The following KATNIP variants were observed in gnomAD, a reference collection of about 807,000 sequenced individuals.
KATNIP encodes katanin interacting protein, also known as katanin-interacting protein.
Under a neutral mutation model 174.0 loss-of-function variants are expected in KATNIP, and 126 were observed. That is an observed-to-expected ratio of 0.72 (90% CI 0.63 to 0.84). The LOEUF (loss-of-function observed/expected upper bound fraction) is 0.84, where lower values mean the gene tolerates loss of function less well. KATNIP is among the 40% of genes least tolerant of loss of function. KATNIP has a pLI of 0.00. For missense variants in KATNIP, 1,958 were observed against 2,109.7 expected (o/e 0.93, Z 1.41); for synonymous variants, 810 against 835.7 (o/e 0.97, Z 0.53).
intron 14 of KATNIP, among the ~76,000 whole-genome samples, chr16:27,724,209 A>G (rs867022968): frequency 6.6e-6 from 1 of 152,088 alleles, no homozygotes; most frequent in Non-Finnish European, 1.5e-5. Flanking sequence ...GCCATGGCAC[A>G]CTAAGAGCTT....
chr16:27,621,777 G>A (rs1025575977), intron 3 of KATNIP, among the ~76,000 whole-genome samples: 4 of 150,958 alleles, frequency 2.6e-5, no homozygotes. Context: ...GAGCAGGAGA[G>A]AGAGGGTGGG....
At chr16:27,625,477 T>C (rs925614593) in intron 3 of KATNIP, among the ~76,000 whole-genome samples, 39 of 152,218 alleles carry the variant, frequency 2.6e-4, no homozygotes, top group Non-Finnish European at 1.5e-4. Context: ...ACATTGTCCC[T>C]TGATTGTTTG....
intron 15 of KATNIP, among the ~76,000 whole-genome samples, chr16:27,745,413 A>T (rs529502822): frequency 4.6e-5 from 7 of 152,364 alleles, no homozygotes; most frequent in Non-Finnish European, 8.8e-5. Context: ...ATATGAGCAG[A>T]AATGTGAGGA....
chr16:27,640,509 G>T (rs544058607), intron 5 of KATNIP, among the ~76,000 whole-genome samples: 2 of 152,104 alleles, frequency 1.3e-5, no homozygotes, highest in South Asian at 2.1e-4. Flanking sequence ...GGGGCTGGGG[G>T]CGGGAGAGCA....
intron 14 of KATNIP, among the ~76,000 whole-genome samples, chr16:27,725,202 A>C (rs909106420): frequency 6.6e-6 from 1 of 152,230 alleles, no homozygotes; most frequent in South Asian, 2.1e-4. Flanking sequence ...TATTCAATGC[A>C]TGAATGAATA....
chr16:27,754,076 G>A lies in KATNIP; in HGVS notation c.3553-97G>A, dbSNP rs1016257409. On this transcript the variant is annotated intron_variant, in intron 17 of 27. Transcript: ENST00000261588. ...CACACAAGGACTTACCTGGGCATAG[G>A]GTGGGCAGTGGTAAATGCAGAAACA... 4 of 952,156 alleles carry A rather than the reference G, an allele frequency of 4.2e-6. No homozygotes were observed. In the African/African-American group the frequency reaches 6.4e-5, roughly 15 times the overall value. 59.0% of individuals were successfully genotyped at this position (952,156 alleles called of 1,614,324 possible).
At chr16:27,750,575 A>G (rs1050149898) in intron 16 of KATNIP, among the ~76,000 whole-genome samples, 3 of 146,610 alleles carry the variant, frequency 2.0e-5, no homozygotes, top group Non-Finnish European at 4.5e-5. Context: ...ACCCGCCAAC[A>G]CGCCCGGCTA....
chr16:27,734,339 C>A (rs1308043024), intron 14 of KATNIP, among the ~76,000 whole-genome samples: 2 of 151,284 alleles, frequency 1.3e-5, no homozygotes, highest in African/African-American at 4.9e-5. Flanking sequence ...CCTCAGCCTC[C>A]CAAAGTGTTG....
intron 11 of KATNIP, 29 bp from the exon 12 acceptor site, chr16:27,703,867 C>G (rs990773799): frequency 2.6e-6 from 4 of 1,532,448 alleles, no homozygotes; most frequent in African/African-American, 1.4e-5. Context: ...TTACTACTTC[C>G]TGTTTGCTAA....
At chr16:27,618,554 T>A in intron 3 of KATNIP, 53 bp downstream of exon 3, 1 of 1,296,322 alleles carries the variant, frequency 7.7e-7, no homozygotes, top group Non-Finnish European at 1.1e-6. Flanking sequence ...TAAAAATCTA[T>A]TTAGATTTAT....
rs147153296 is a variant in KATNIP at position 27,563,413 on chromosome 16, G to A, written c.8-10488G>A. ...GCACGCCTGTGGTCCCATCTGTGCAGGAGTCCACTTGGGTGTATCGCTTGA... is the reference window on the plus strand; with the variant it reads ...GCACGCCTGTGGTCCCATCTGTGCAAGAGTCCACTTGGGTGTATCGCTTGA... On this transcript the variant is annotated intron_variant, in intron 1 of 27. Transcript: ENST00000261588. 5.0e-3 allele frequency among the ~76,000 whole-genome samples: 764 copies of A among 152,292 alleles called. 4 individuals are homozygous for A. Among genetic ancestry groups the A allele is most frequent in the African/African-American group, 0.018 (731 of 41,558 alleles).
chr16:27,608,366 G>A (rs1596903524), intron 2 of KATNIP, among the ~76,000 whole-genome samples: 1 of 147,724 alleles, frequency 6.8e-6, no homozygotes, highest in Non-Finnish European at 1.5e-5. Context: ...AAGTAGCTGG[G>A]ACTACGGGTG....
chr16:27,593,032 C>G (rs1881859659), intron 2 of KATNIP, among the ~76,000 whole-genome samples: 1 of 152,190 alleles, frequency 6.6e-6, no homozygotes, highest in South Asian at 2.1e-4. Context: ...ATGGAGCCCT[C>G]CAGGGTCCTG....
intron 24 of KATNIP, among the ~76,000 whole-genome samples, chr16:27,775,873 G>A (rs1239395607): frequency 2.0e-5 from 3 of 152,108 alleles, no homozygotes; most frequent in Admixed American, 6.5e-5. Flanking sequence ...ATTCTATGAC[G>A]GAAGTTTTCC....
In KATNIP at chr16:27,740,119, G is replaced by T. The variant is rs1172814056; in HGVS notation, c.1822G>T (p.Asp608Tyr). The change falls in exon 15 of 28, where the codon GAT (aspartate) becomes TAT (tyrosine). Residue 608 changes from aspartate to tyrosine, a missense_variant. Asp to Tyr is a radical substitution (Grantham distance 160, BLOSUM62 -3). Coordinates refer to ENST00000261588, the MANE Select transcript of KATNIP (RefSeq NM_015202.5). ...CTTCAATGGCAAGTTAGACAAAGGAGATAGGGAGGCCCCAGCTGACCACAG... is the reference window on the plus strand; with the variant it reads ...CTTCAATGGCAAGTTAGACAAAGGATATAGGGAGGCCCCAGCTGACCACAG... ...LIFNGKLDKG[D>Y]REAPADHSIL... is the part of the protein sequence containing the mutation. 1.9e-6 allele frequency: 3 copies of T among 1,614,096 alleles called. No individual in the cohort carries two copies. The African/African-American group carries it at 4.0e-5, about 22-fold the overall frequency.
At chr16:27,555,333 T>G (rs2089572056) in intron 1 of KATNIP, among the ~76,000 whole-genome samples, 1 of 152,214 alleles carries the variant, frequency 6.6e-6, no homozygotes, top group Non-Finnish European at 1.5e-5. Context: ...CCTGGCCTTT[T>G]GATTTTGACT....
intron 6 of KATNIP, among the ~76,000 whole-genome samples, chr16:27,651,359 A>G (rs963578911): frequency 6.6e-6 from 1 of 152,064 alleles, no homozygotes; most frequent in African/African-American, 2.4e-5. Flanking sequence ...ATTTTCCTGC[A>G]AAGTGTAAGA....
chr16:27,593,370 C>A, intron 2 of KATNIP, among the ~76,000 whole-genome samples: 1 of 151,844 alleles, frequency 6.6e-6, no homozygotes. Context: ...TCCCAAGTAG[C>A]TGGGATTACA....
intron 3 of KATNIP, among the ~76,000 whole-genome samples, chr16:27,625,659 G>GT (rs2076310451): frequency 1.3e-5 from 2 of 152,266 alleles, no homozygotes; most frequent in African/African-American, 2.4e-5. Flanking sequence ...AAAGATGAAT[G>GT]TATCAGCTGC....
Sources: allele counts gnomAD v4.1 joint callset (sites outside exome capture counted in the v4.1 genomes callset), GRCh38; gene constraint gnomAD v4.1.1; transcripts MANE v1.5; gene names NCBI Gene and HGNC (gene_info 2026-07-23, HGNC 2026-07-21).